TPD52L1: variants seen among roughly 807,000 people sequenced by gnomAD.
The protein encoded by TPD52L1 is tumor protein D53.
TPD52L1 carries 18 observed loss-of-function variants against 28.7 expected under a neutral mutation model. The observed-to-expected ratio is 0.63, with a 90% CI of 0.43 to 0.93. The LOEUF is 0.93. Among genes scored for constraint, TPD52L1 ranks in the 40% least tolerant of loss-of-function variants. TPD52L1 has a pLI of 0.00. For missense variants in TPD52L1, 203 were observed against 254.8 expected (o/e 0.80, Z 1.39); for synonymous variants, 75 against 88.8 (o/e 0.84, Z 0.88).
At chr6:125,243,775 A>G (rs1796758929) in intron 3 of TPD52L1, among the ~76,000 whole-genome samples, 1 of 152,044 alleles carries the variant, frequency 6.6e-6, no homozygotes, top group Admixed American at 6.5e-5. Flanking sequence ...GAGTAGCACA[A>G]TTCTGAATTC....
chr6:125,247,171 T>G (rs553130975), intron 3 of TPD52L1, among the ~76,000 whole-genome samples: 1 of 152,258 alleles, frequency 6.6e-6, no homozygotes, highest in African/African-American at 2.4e-5. Flanking sequence ...TAGGGTATAA[T>G]GTTTTCTTAC....
intron 1 of TPD52L1, among the ~76,000 whole-genome samples, chr6:125,195,160 A>G (rs1272986125): frequency 6.6e-6 from 1 of 152,230 alleles, no homozygotes; most frequent in African/African-American, 2.4e-5. Flanking sequence ...TTTTCTGTCA[A>G]CTGGCCTAAG....
At chr6:125,176,843 C>A (rs528884828) in intron 1 of TPD52L1, among the ~76,000 whole-genome samples, 2 of 152,090 alleles carry the variant, frequency 1.3e-5, no homozygotes, top group Non-Finnish European at 2.9e-5. Context: ...TCGAGACCAG[C>A]CTGGGCAATG....
At chr6:125,208,157 A>G (rs927205160) in intron 1 of TPD52L1, among the ~76,000 whole-genome samples, 1 of 152,208 alleles carries the variant, frequency 6.6e-6, no homozygotes, top group Non-Finnish European at 1.5e-5. Context: ...ACAAAGTTTA[A>G]GAACAGTAGA....
At chr6:125,187,134 C>A (rs976618939) in intron 1 of TPD52L1, among the ~76,000 whole-genome samples, 86 of 151,912 alleles carry the variant, frequency 5.7e-4, no homozygotes, top group Non-Finnish European at 1.1e-3. Flanking sequence ...GAAAAATAGG[C>A]AGATAATTTG....
intron 2 of TPD52L1, 58 bp from the exon 3 acceptor site, chr6:125,229,060 A>T: frequency 6.4e-7 from 1 of 1,571,190 alleles, no homozygotes; most frequent in Non-Finnish European, 8.6e-7. Context: ...GAGCTTCTGT[A>T]AGTATCCTTT....
chr6:125,235,412 A>G (rs1796203474), intron 3 of TPD52L1, among the ~76,000 whole-genome samples: 1 of 152,132 alleles, frequency 6.6e-6, no homozygotes. Flanking sequence ...CTAAAAAGAA[A>G]AAAAAGTTGC....
At chr6:125,241,291 G>A (rs1796597031) in intron 3 of TPD52L1, among the ~76,000 whole-genome samples, 1 of 151,854 alleles carries the variant, frequency 6.6e-6, no homozygotes, top group Admixed American at 6.6e-5. Context: ...TTCTTGTTAT[G>A]TCCTTTCCTG....
At chr6:125,246,965 C>T (rs143176766) in intron 3 of TPD52L1, among the ~76,000 whole-genome samples, 1 of 152,032 alleles carries the variant, frequency 6.6e-6, no homozygotes, top group African/African-American at 2.4e-5. Flanking sequence ...ACATATAATG[C>T]TAACAATATT....
intron 1 of TPD52L1, among the ~76,000 whole-genome samples, chr6:125,173,377 G>C (rs1002939796): frequency 3.3e-5 from 5 of 152,144 alleles, no homozygotes; most frequent in African/African-American, 1.2e-4. Flanking sequence ...CTAAATTTTT[G>C]TCTGGGTAAT....
chr6:125,200,666 A>G (rs1258429150), intron 1 of TPD52L1, among the ~76,000 whole-genome samples: 1 of 152,216 alleles, frequency 6.6e-6, no homozygotes, highest in Non-Finnish European at 1.5e-5. Context: ...TCATGTTCAC[A>G]TAAAAATGGT....
chr6:125,156,587 T>C (rs9767619), intron 1 of TPD52L1, among the ~76,000 whole-genome samples: 21,594 of 151,588 alleles, frequency 0.14, 1,792 homozygotes, highest in East Asian at 0.36. Context: ...CTGGGCAACA[T>C]GGTGAAACGC....
At chr6:125,232,748 G>A (rs1017360643) in intron 3 of TPD52L1, among the ~76,000 whole-genome samples, 4 of 152,166 alleles carry the variant, frequency 2.6e-5, no homozygotes, top group African/African-American at 9.7e-5. Flanking sequence ...TAATTACACA[G>A]CAGACTGAAA....
chr6:125,198,508 C>G (rs1793590597), intron 1 of TPD52L1, among the ~76,000 whole-genome samples: 1 of 152,128 alleles, frequency 6.6e-6, no homozygotes, highest in Non-Finnish European at 1.5e-5. Flanking sequence ...GCTTCCAAAG[C>G]TGAGAATGCC....
At chr6:125,211,866 C>T (rs1794543129) in intron 1 of TPD52L1, among the ~76,000 whole-genome samples, 1 of 152,230 alleles carries the variant, frequency 6.6e-6, no homozygotes, top group Non-Finnish European at 1.5e-5. Context: ...GAAAAGCATG[C>T]TGTTCAATGA....
chr6:125,163,469 C>A (rs1790656882), intron 1 of TPD52L1, among the ~76,000 whole-genome samples: 1 of 151,338 alleles, frequency 6.6e-6, no homozygotes, highest in African/African-American at 2.4e-5. Flanking sequence ...GTATTCCCAG[C>A]TACTTGGGAG....
chr6:125,243,809 C>T (rs911006735), intron 3 of TPD52L1, among the ~76,000 whole-genome samples: 4 of 151,286 alleles, frequency 2.6e-5, no homozygotes, highest in Non-Finnish European at 4.4e-5. Flanking sequence ...TCAGAGATTT[C>T]GTCTTGGTTT....
chr6:125,207,829 G>A (rs1448961671), intron 1 of TPD52L1, among the ~76,000 whole-genome samples: 2 of 152,132 alleles, frequency 1.3e-5, no homozygotes, highest in East Asian at 3.9e-4. Context: ...GCACTGTTGT[G>A]GACTAACTTG....
At chr6:125,199,121 A>G (rs1389914838) in intron 1 of TPD52L1, among the ~76,000 whole-genome samples, 1 of 152,212 alleles carries the variant, frequency 6.6e-6, no homozygotes, top group African/African-American at 2.4e-5. Flanking sequence ...TGTGAGAGAA[A>G]AGTCTTCCTT....
Sources: allele counts gnomAD v4.1 joint callset (sites outside exome capture counted in the v4.1 genomes callset), GRCh38; gene constraint gnomAD v4.1.1; transcripts MANE v1.5; gene names NCBI Gene and HGNC (gene_info 2026-07-23, HGNC 2026-07-21).